CNTNAP2: variants seen among roughly 807,000 people sequenced by gnomAD.
CNTNAP2 encodes the protein contactin associated protein 2.
A neutral mutation model predicts 155.2 loss-of-function variants in CNTNAP2; 98 were observed. That is an observed-to-expected ratio of 0.63 (90% CI 0.54 to 0.75). The LOEUF is 0.75. CNTNAP2 is among the 30% of genes least tolerant of loss of function. CNTNAP2 has a pLI of 0.00. For synonymous variants in CNTNAP2, 651 were observed against 631.2 expected, an observed-to-expected ratio of 1.03 and a Z score of -0.47; for missense variants, 1,727 against 1,688.1, an observed-to-expected ratio of 1.02 and a Z score of -0.40.
chr7:147,366,777 GCACGCA>G (rs879825148), intron 9 of CNTNAP2, among the ~76,000 whole-genome samples: 2,663 of 56,880 alleles, frequency 0.047, 28 homozygotes, highest in Non-Finnish European at 0.067. Flanking sequence ...CGAATTTGTT[GCACGCA>G]CACACACACA....
intron 21 of CNTNAP2, among the ~76,000 whole-genome samples, chr7:148,338,842 G>T (rs1407475989): frequency 6.6e-6 from 1 of 152,100 alleles, no homozygotes. Context: ...GAGGAGAAGG[G>T]GAAGAGAAAG....
chr7:146,642,284 A>T (rs1049350635), intron 1 of CNTNAP2, among the ~76,000 whole-genome samples: 1 of 147,846 alleles, frequency 6.8e-6, no homozygotes, highest in Admixed American at 6.7e-5. Context: ...CATTAGGTAT[A>T]TCTCCTAAAG....
At chr7:147,188,183 T>G (rs909155474) in intron 8 of CNTNAP2, among the ~76,000 whole-genome samples, 1 of 152,204 alleles carries the variant, frequency 6.6e-6, no homozygotes, top group Non-Finnish European at 1.5e-5. Flanking sequence ...AAATAGAGTG[T>G]GAATTAATTG....
Position 148,326,471 on chromosome 7 carries a change from C to T in CNTNAP2, c.3476-57178C>T, listed in dbSNP as rs190653761. Among the ~76,000 whole-genome samples the T allele has an allele frequency of 7.3e-3, 1,118 of 152,306 alleles. 7 individuals carry two copies. Among genetic ancestry groups the T allele is most frequent in the Non-Finnish European group, 0.013 (870 of 68,024 alleles). On this transcript the variant is annotated intron_variant, in intron 21 of 23. Transcript: ENST00000361727. ...TGCCCTTCCATCTTGCCATCTCACTCCTCACTCCCATGATTCTGGACCAAA... is the reference window on the plus strand; with the variant it reads ...TGCCCTTCCATCTTGCCATCTCACTTCTCACTCCCATGATTCTGGACCAAA...
chr7:147,520,652 A>T (rs1162454919), intron 11 of CNTNAP2, among the ~76,000 whole-genome samples: 1 of 152,224 alleles, frequency 6.6e-6, no homozygotes, highest in Non-Finnish European at 1.5e-5. Context: ...CTAAGAGAAG[A>T]TGACATAGGC....
At chr7:146,768,718 C>T (rs1210802817) in intron 1 of CNTNAP2, among the ~76,000 whole-genome samples, 1 of 152,076 alleles carries the variant, frequency 6.6e-6, no homozygotes, top group Non-Finnish European at 1.5e-5. Context: ...TTCTGTTCAG[C>T]TAGCACTGTC....
intron 9 of CNTNAP2, among the ~76,000 whole-genome samples, chr7:147,340,765 ATTTT>A (rs1305517273): frequency 6.6e-6 from 1 of 151,928 alleles, no homozygotes; most frequent in Non-Finnish European, 1.5e-5. Context: ...ATTTCACACT[ATTTT>A]TTCAACACTC....
chr7:148,380,711 G>GT (rs1464289708), intron 21 of CNTNAP2, among the ~76,000 whole-genome samples: 1 of 151,804 alleles, frequency 6.6e-6, no homozygotes, highest in Non-Finnish European at 1.5e-5. Context: ...TCCCTCATCT[G>GT]TCACTTGGCG....
intron 1 of CNTNAP2, among the ~76,000 whole-genome samples, chr7:146,261,733 T>G (rs1409571310): frequency 6.6e-6 from 1 of 152,156 alleles, no homozygotes; most frequent in Non-Finnish European, 1.5e-5. Context: ...ATTCAGTCTT[T>G]AGCTCAGAAC....
intron 1 of CNTNAP2, among the ~76,000 whole-genome samples, chr7:146,752,805 A>G (rs572823213): frequency 6.6e-6 from 1 of 152,296 alleles, no homozygotes; most frequent in Non-Finnish European, 1.5e-5. Flanking sequence ...ATGAGGTGTA[A>G]GGAAGGGGTC....
At chr7:147,868,751 G>A (rs1196736960) in intron 13 of CNTNAP2, among the ~76,000 whole-genome samples, 2 of 152,210 alleles carry the variant, frequency 1.3e-5, no homozygotes, top group East Asian at 1.9e-4. Flanking sequence ...AGTGAGCAAG[G>A]CTCCATGGGC....
Position 147,658,251 on chromosome 7 carries a change from C to T in CNTNAP2, c.2098+18945C>T, listed in dbSNP as rs1396453485. ...CAGCCTGGGAGACAGAGCGAGACTC[C>T]GTCCCAAAAAAAAAAAAAAAAAAAG... On this transcript the variant is annotated intron_variant, in intron 13 of 23. Transcript: ENST00000361727. Among the ~76,000 whole-genome samples the T allele has an allele frequency of 4.6e-5, 3 of 65,768 alleles. 1 individual carries two copies. Among genetic ancestry groups the T allele is most frequent in the African/African-American group, 2.0e-4 (3 of 14,890 alleles). 43.1% of individuals were successfully genotyped at this position (65,768 alleles called of 152,430 possible). A position where few individuals can be genotyped will look rare whatever the true frequency, so the allele number is the denominator to read the frequency against.
At chr7:146,877,159 T>C (rs750436498) in intron 3 of CNTNAP2, among the ~76,000 whole-genome samples, 7 of 151,984 alleles carry the variant, frequency 4.6e-5, no homozygotes, top group Non-Finnish European at 7.4e-5. Flanking sequence ...AACAAGAACA[T>C]ACAAGTTAAT....
intron 10 of CNTNAP2, among the ~76,000 whole-genome samples, chr7:147,419,969 C>A (rs1256776280): frequency 6.6e-6 from 1 of 152,104 alleles, no homozygotes; most frequent in East Asian, 1.9e-4. Flanking sequence ...CCTTCCCGAC[C>A]CAGACATCTT....
chr7:147,891,853 G>T (rs1799700738), intron 13 of CNTNAP2, among the ~76,000 whole-genome samples: 1 of 152,010 alleles, frequency 6.6e-6, no homozygotes, highest in Non-Finnish European at 1.5e-5. Flanking sequence ...AAAACATAAT[G>T]ATAGTACAAC....
chr7:146,712,019 C>T (rs1357820849), intron 1 of CNTNAP2, among the ~76,000 whole-genome samples: 1 of 54,902 alleles, frequency 1.8e-5, no homozygotes, highest in Non-Finnish European at 3.1e-5. Context: ...ATATAGTATA[C>T]ACATCTTATG....
intron 14 of CNTNAP2, among the ~76,000 whole-genome samples, chr7:147,933,085 G>GTTTT (rs56994949): frequency 0.22 from 33,311 of 151,062 alleles, 4,990 homozygotes; most frequent in East Asian, 0.55. Flanking sequence ...TTGTTTGTTT[G>GTTTT]TTTGTTTGTT....
intron 15 of CNTNAP2, among the ~76,000 whole-genome samples, chr7:147,991,921 T>TG (rs1343290714): frequency 5.3e-5 from 8 of 152,104 alleles, no homozygotes; most frequent in Non-Finnish European, 8.8e-5. Flanking sequence ...TTCACACTCC[T>TG]AACTATGTGC....
intron 17 of CNTNAP2, among the ~76,000 whole-genome samples, chr7:148,165,806 A>C (rs1457957309): frequency 6.6e-6 from 1 of 151,902 alleles, no homozygotes; most frequent in Non-Finnish European, 1.5e-5. Flanking sequence ...ATTTGTGATC[A>C]CCTTGGGATT....
Sources: allele counts gnomAD v4.1 joint callset (sites outside exome capture counted in the v4.1 genomes callset), GRCh38; gene constraint gnomAD v4.1.1; transcripts MANE v1.5; gene names NCBI Gene and HGNC (gene_info 2026-07-23, HGNC 2026-07-21).